Variants in RREB1 observed in about 807,000 individuals in gnomAD.
RREB1 encodes the protein ras responsive element binding protein 1.
In RREB1, 27 loss-of-function variants were observed where a neutral mutation model predicts 117.8. The ratio of observed to expected loss-of-function variants is 0.23; its 90% CI spans 0.17 to 0.32. The LOEUF (loss-of-function observed/expected upper bound fraction) is 0.32. Among genes scored for constraint, RREB1 ranks in the 10% least tolerant of loss-of-function variants. The probability of loss-of-function intolerance (pLI) is 1.00; values close to 1 mark genes in which losing one functional copy is unlikely to be tolerated. For synonymous variants in RREB1, 1,298 were observed against 1,026.7 expected (o/e 1.26, Z -5.05); for missense variants, 2,577 against 2,378.2 (o/e 1.08, Z -1.74).
At chr6:7,163,961 C>T (rs1043316070) in intron 1 of RREB1, among the ~76,000 whole-genome samples, 1 of 152,116 alleles carries the variant, frequency 6.6e-6, no homozygotes, top group Non-Finnish European at 1.5e-5. Context: ...GCCGTTTGGC[C>T]GGTGGGGTTG....
At chr6:7,195,929 G>A (rs1181036219) in intron 6 of RREB1, among the ~76,000 whole-genome samples, 2 of 152,238 alleles carry the variant, frequency 1.3e-5, no homozygotes, top group African/African-American at 4.8e-5. Flanking sequence ...CTCTGCTGCG[G>A]CATGATTCTC....
chr6:7,181,936 T>C lies in RREB1; in HGVS notation c.25T>C (p.Leu9=), dbSNP rs1764823852. The C allele has an allele frequency of 1.2e-6, 2 of 1,614,246 alleles. No individual in the cohort carries two copies. Among genetic ancestry groups the C allele is most frequent in the Non-Finnish European group, 1.7e-6 (2 of 1,180,026 alleles). Residue 9 remains leucine, a synonymous_variant, in exon 4 of 13, where the codon TTG becomes CTG. Transcript: ENST00000379938. MTSSSPAG[L]EGSDLSSINT... is the part of the protein sequence containing the mutation. ...AATGACGTCAAGTTCGCCCGCTGGC[T>C]TGGAAGGTTCAGACCTATCTTCCAT...
Position 7,231,338 on chromosome 6 carries a change from C to T in RREB1, c.3239C>T (p.Thr1080Ile), listed in dbSNP as rs760374657. 6.8e-6 allele frequency: 11 copies of T among 1,611,774 alleles called. No individual in the cohort carries two copies. The highest frequency in any genetic ancestry group is 2.7e-5 in the African/African-American group (2 of 74,880). Reference sequence around the variant, plus strand: ...ATCTCATCTGTATCCTCGGCCCCCACCCTGCTGAAAACCAAGGTGGCGGAC... The same window carrying T: ...ATCTCATCTGTATCCTCGGCCCCCATCCTGCTGAAAACCAAGGTGGCGGAC... The part of the protein sequence containing the change: ...QIISSVSSAP[T>I]LLKTKVADPG... The change falls in exon 10 of 13, where the codon ACC (threonine) becomes ATC (isoleucine). Residue 1080 changes from threonine (T) to isoleucine (I), a missense_variant. By Grantham distance (89) the Thr-to-Ile change is moderately conservative. Transcript: ENST00000379938.
chr6:7,148,041 G>C (rs1020032728), intron 1 of RREB1, among the ~76,000 whole-genome samples: 1 of 152,146 alleles, frequency 6.6e-6, no homozygotes, highest in Non-Finnish European at 1.5e-5. Context: ...CGCTTATTTG[G>C]CATTCTTCGG....
intron 6 of RREB1, among the ~76,000 whole-genome samples, chr6:7,206,573 C>T (rs1053361370): frequency 1.3e-5 from 2 of 152,192 alleles, no homozygotes; most frequent in Non-Finnish European, 2.9e-5. Flanking sequence ...AGACCAGGTT[C>T]TTGCTGTAAT....
At chr6:7,131,665 C>T (rs1175645566) in intron 1 of RREB1, among the ~76,000 whole-genome samples, 2 of 152,136 alleles carry the variant, frequency 1.3e-5, no homozygotes, top group Non-Finnish European at 2.9e-5. Context: ...TTTGGGCTGA[C>T]AAAGCTGATA....
chr6:7,134,503 T>C (rs1469468849), intron 1 of RREB1, among the ~76,000 whole-genome samples: 2 of 152,366 alleles, frequency 1.3e-5, no homozygotes, highest in East Asian at 3.9e-4. Flanking sequence ...TCTTTTTAAA[T>C]GTAAGATACT....
chr6:7,171,232 G>A (rs1361988054), intron 1 of RREB1, among the ~76,000 whole-genome samples: 6 of 152,196 alleles, frequency 3.9e-5, no homozygotes, highest in Admixed American at 1.3e-4. Context: ...ACTCTTGCCC[G>A]CTGCAACGAA....
At chr6:7,219,861 C>T (rs1767135114) in intron 8 of RREB1, among the ~76,000 whole-genome samples, 1 of 152,170 alleles carries the variant, frequency 6.6e-6, no homozygotes, top group Admixed American at 6.5e-5. Flanking sequence ...TCGTCTTCCT[C>T]CACTGGGACC....
intron 1 of RREB1, among the ~76,000 whole-genome samples, chr6:7,155,939 C>G (rs1190839013): frequency 6.6e-6 from 1 of 152,178 alleles, no homozygotes. Flanking sequence ...CAGCTCTGTC[C>G]TGGACAGTAC....
intron 1 of RREB1, among the ~76,000 whole-genome samples, chr6:7,172,850 C>T (rs914227605): frequency 1.3e-5 from 2 of 152,154 alleles, no homozygotes; most frequent in Non-Finnish European, 2.9e-5. Context: ...ATAGTTTTGC[C>T]CCGAGCTTTG....
chr6:7,205,846 C>T (rs1233539295), intron 6 of RREB1, among the ~76,000 whole-genome samples: 1 of 152,198 alleles, frequency 6.6e-6, no homozygotes, highest in Non-Finnish European at 1.5e-5. Flanking sequence ...AATGATTACA[C>T]TTGTGGGAGA....
chr6:7,231,327 C>G lies in RREB1; in HGVS notation c.3228C>G (p.Ser1076=). ...TTGCCCAGATCATCTCATCTGTATC[C>G]TCGGCCCCCACCCTGCTGAAAACCA... ...ASIAQIISSV[S]SAPTLLKTKV... is the part of the protein sequence containing the mutation. The change falls in exon 10 of 13, where the codon TCC becomes TCG. Residue 1076 remains serine, a synonymous_variant. Coordinates refer to ENST00000379938, the MANE Select transcript of RREB1 (RefSeq NM_001003699.4). 6.2e-7 allele frequency: 1 copy of G among 1,610,670 alleles called. No individual in the cohort carries two copies. The highest frequency in any genetic ancestry group is 8.5e-7 in the Non-Finnish European group (1 of 1,178,044).
chr6:7,192,116 A>ATTTTTTTTTTT (rs34074532), intron 6 of RREB1, among the ~76,000 whole-genome samples: 8 of 15,318 alleles, frequency 5.2e-4, no homozygotes, highest in African/African-American at 8.9e-4. Flanking sequence ...TTGTCAGATG[A>ATTTTTTTTTTT]TTTTTTTTTT....
At position 7,230,748 on chromosome 6, in the gene RREB1, G is replaced by C; in HGVS notation, c.2649G>C (p.Ser883=). The C allele has an allele frequency of 6.2e-7, 1 of 1,608,720 alleles. No homozygotes were observed. The highest frequency in any genetic ancestry group is 8.5e-7 in the Non-Finnish European group (1 of 1,176,792). The change falls in exon 10 of 13, where the codon TCG becomes TCC. Residue 883 remains serine (S), a synonymous_variant. Transcript: ENST00000379938. ...CCCAGCCTCCACCTCCCCATGTCTC[G>C]ATCAAGTTGGAGCCCGCCAGTAGCT... ...GPTQPPPPHV[S]IKLEPASSFA... is the part of the protein sequence containing the mutation.
At chr6:7,167,574 C>G (rs1010479807) in intron 1 of RREB1, among the ~76,000 whole-genome samples, 3 of 152,050 alleles carry the variant, frequency 2.0e-5, no homozygotes, top group African/African-American at 4.8e-5. Flanking sequence ...AGGCTGGTCT[C>G]GAACTCCTGA....
chr6:7,240,716 A>G, intron 11 of RREB1, 114 bp downstream of exon 11: 1 of 902,772 alleles, frequency 1.1e-6, no homozygotes, highest in Non-Finnish European at 1.7e-6. Flanking sequence ...ACTTCTCTGT[A>G]GGATTCAGAG....
At chr6:7,161,901 TGCTACCA>T (rs1561753048) in intron 1 of RREB1, among the ~76,000 whole-genome samples, 7 of 152,220 alleles carry the variant, frequency 4.6e-5, no homozygotes, top group Non-Finnish European at 8.8e-5. Flanking sequence ...TTTTTAAATC[TGCTACCA>T]AGAGCTTTTT....
intron 8 of RREB1, among the ~76,000 whole-genome samples, chr6:7,223,793 G>A (rs771342030): frequency 2.0e-5 from 3 of 152,010 alleles, no homozygotes; most frequent in Non-Finnish European, 2.9e-5. Flanking sequence ...TTATAGAAGC[G>A]GTACACATTT....
Sources: gnomAD v4.1 joint callset for allele counts (sites outside exome capture counted in the v4.1 genomes callset) on GRCh38, gnomAD v4.1.1 for gene constraint, MANE v1.5 for transcripts, NCBI Gene and HGNC (gene_info 2026-07-23, HGNC 2026-07-21) for gene names.